The following FBXO38 variants were observed in gnomAD, a reference collection of about 807,000 sequenced individuals.
FBXO38 encodes F-box protein 38.
In FBXO38, 53 loss-of-function variants were observed where a neutral mutation model predicts 131.9. The observed-to-expected ratio is 0.40, with a 90% CI of 0.32 to 0.51. FBXO38 has a LOEUF of 0.51. FBXO38 is among the 20% of genes least tolerant of loss of function. The pLI is 0.53. For synonymous variants in FBXO38, 452 were observed against 505.6 expected, an observed-to-expected ratio of 0.89 and a Z score of 1.42; for missense variants, 1,076 against 1,475.6, an observed-to-expected ratio of 0.73 and a Z score of 4.44.
chr5:148,440,918 C>T (rs1457713084), intron 20 of FBXO38, among the ~76,000 whole-genome samples: 1 of 152,132 alleles, frequency 6.6e-6, no homozygotes, highest in Admixed American at 6.5e-5. Flanking sequence ...CTGTATGAGT[C>T]TTTACTATTT....
At chr5:148,433,117 A>C (rs1754129332) in intron 15 of FBXO38, 1 of 226,622 alleles carries the variant, frequency 4.4e-6, no homozygotes, top group Non-Finnish European at 8.7e-6. Flanking sequence ...ATAGGAGTTC[A>C]ATTCACCAAT....
At chr5:148,427,133 A>T (rs937897052) in intron 14 of FBXO38, 80 bp from the exon 15 acceptor site, 388 of 1,485,878 alleles carry the variant, frequency 2.6e-4, no homozygotes, top group Non-Finnish European at 1.6e-4. Context: ...TCCTGTTCCA[A>T]ATTTACTCTT....
At position 148,402,132 on chromosome 5, in the gene FBXO38, G is replaced by C; in HGVS notation, c.413G>C (p.Cys138Ser). Residue 138 changes from cysteine (C) to serine (S), a missense_variant, in exon 4 of 22, where the codon TGC (cysteine) becomes TCC (serine). By Grantham distance (112) the Cys-to-Ser change is moderately radical. Coordinates refer to ENST00000340253, the MANE Select transcript of FBXO38 (RefSeq NM_205836.3). ...GGAGTCCTAGAAGCTTTGCAGGCATGCCCAAACTTAGTGGTGAGTGCACCT... is the reference window on the plus strand; with the variant it reads ...GGAGTCCTAGAAGCTTTGCAGGCATCCCCAAACTTAGTGGTGAGTGCACCT... ...IPGVLEALQA[C>S]PNLVGVETSH... The C allele has an allele frequency of 6.2e-7, 1 of 1,610,906 alleles. No individual in the cohort carries two copies. The highest frequency in any genetic ancestry group is 1.1e-5 in the South Asian group (1 of 90,918).
Position 148,442,045 on chromosome 5 carries a change from A to C in FBXO38, c.3465A>C (p.Ser1155=). 6.2e-7 allele frequency: 1 copy of C among 1,614,106 alleles called. No homozygotes were observed. Among genetic ancestry groups the C allele is most frequent in the East Asian group, 2.2e-5 (1 of 44,888 alleles). ...TGGAAACAATAGGAGAGGAAATTTC[A>C]GAGATGCGTCAGATGAAGAAGGGTG... ...ICMETIGEEI[S]EMRQMKKGVF... The change falls in exon 22 of 22, where the codon TCA becomes TCC. Residue 1155 remains serine, a synonymous_variant. Transcript: ENST00000340253.
chr5:148,400,629 C>G (rs2113527287), intron 3 of FBXO38, among the ~76,000 whole-genome samples: 1 of 152,234 alleles, frequency 6.6e-6, no homozygotes, highest in South Asian at 2.1e-4. Flanking sequence ...TGGCATTTAA[C>G]TCAGATCCTT....
At chr5:148,402,567 G>A in intron 5 of FBXO38, 54 bp downstream of exon 5, 1 of 1,351,058 alleles carries the variant, frequency 7.4e-7, no homozygotes, top group Non-Finnish European at 1.0e-6. Context: ...CATAAAATGT[G>A]AATATTCACT....
chr5:148,395,144 A>G (rs1419636656), intron 2 of FBXO38, among the ~76,000 whole-genome samples: 1 of 152,184 alleles, frequency 6.6e-6, no homozygotes. Flanking sequence ...TTTGTCACAT[A>G]TAGTTCTGTT....
In FBXO38 at chr5:148,389,236, T is replaced by C. The variant is rs115882887; in HGVS notation, c.-64+5197T>C. Reference sequence around the variant, plus strand: ...TGATCATAGATCACCGTAACACATATAATAATAATGAAAGGATATGAAATA... The same window carrying C: ...TGATCATAGATCACCGTAACACATACAATAATAATGAAAGGATATGAAATA... On this transcript the variant is annotated intron_variant, in intron 1 of 21. Coordinates refer to ENST00000340253, the MANE Select transcript of FBXO38 (RefSeq NM_205836.3). 8.1e-3 allele frequency among the ~76,000 whole-genome samples: 1,240 copies of C among 152,240 alleles called. 21 individuals carry two copies. Among genetic ancestry groups the C allele is most frequent in the African/African-American group, 0.029 (1,184 of 41,536 alleles).
chr5:148,400,413 T>C (rs74608858), intron 3 of FBXO38, among the ~76,000 whole-genome samples: 2,751 of 152,236 alleles, frequency 0.018, 84 homozygotes, highest in African/African-American at 0.062. Flanking sequence ...CCATGTGATA[T>C]AGTCTTACCA....
chr5:148,405,839 C>T (rs181890456), intron 6 of FBXO38, among the ~76,000 whole-genome samples: 1 of 152,254 alleles, frequency 6.6e-6, no homozygotes, highest in East Asian at 1.9e-4. Flanking sequence ...AGTTCTAGCT[C>T]CATGTCAACT....
chr5:148,403,435 T>C (rs1161459941), intron 5 of FBXO38, among the ~76,000 whole-genome samples: 1 of 150,320 alleles, frequency 6.7e-6, no homozygotes, highest in Non-Finnish European at 1.5e-5. Context: ...TGGGGTATAC[T>C]GTCTTCTCTG....
In FBXO38 at chr5:148,424,052, G is replaced by A; in HGVS notation, c.1673G>A (p.Ser558Asn). 3.7e-6 allele frequency: 6 copies of A among 1,613,744 alleles called. No homozygotes were observed. The highest frequency in any genetic ancestry group is 5.1e-6 in the Non-Finnish European group (6 of 1,179,724). The change falls in exon 13 of 22, where the codon AGT becomes AAT. Residue 558 changes from serine (S) to asparagine (N), a missense_variant. Coordinates refer to ENST00000340253, the MANE Select transcript of FBXO38 (RefSeq NM_205836.3). ...VQEDGEVVAESGNNTPAHSQA... is the reference protein window; with the variant it reads ...VQEDGEVVAENGNNTPAHSQA... ...GAAGATGGAGAGGTGGTGGCCGAGA[G>A]TGGAAATAATACTCCAGCTCACAGC...
intron 12 of FBXO38, among the ~76,000 whole-genome samples, chr5:148,420,957 A>G (rs2113605297): frequency 6.6e-6 from 1 of 151,962 alleles, no homozygotes; most frequent in South Asian, 2.1e-4. Flanking sequence ...GCACCAAGCC[A>G]AGAATTTTAA....
chr5:148,392,978 A>G (rs1437321302), intron 1 of FBXO38, among the ~76,000 whole-genome samples: 1 of 152,094 alleles, frequency 6.6e-6, no homozygotes, highest in African/African-American at 2.4e-5. Flanking sequence ...GAGTTTATTT[A>G]TAGCTTTTCT....
intron 9 of FBXO38, 132 bp from the exon 10 acceptor site, chr5:148,414,004 C>T (rs758992741): frequency 1.7e-5 from 12 of 705,194 alleles, no homozygotes; most frequent in Non-Finnish European, 2.4e-5. Context: ...TATACCTGAA[C>T]CCAATGATAA....
chr5:148,399,820 T>C (rs1318467842), intron 3 of FBXO38, among the ~76,000 whole-genome samples: 1 of 152,138 alleles, frequency 6.6e-6, no homozygotes, highest in Non-Finnish European at 1.5e-5. Flanking sequence ...TTAGTTACTA[T>C]TGTTTTGCAA....
At chr5:148,401,395 C>T (rs1752141959) in intron 3 of FBXO38, among the ~76,000 whole-genome samples, 1 of 152,146 alleles carries the variant, frequency 6.6e-6, no homozygotes, top group African/African-American at 2.4e-5. Context: ...TAACTTGCAT[C>T]TGTCTTTTTC....
chr5:148,396,955 C>T (rs2113514042), intron 2 of FBXO38, among the ~76,000 whole-genome samples: 2 of 152,194 alleles, frequency 1.3e-5, no homozygotes, highest in Admixed American at 1.3e-4. Flanking sequence ...TTGTGCAGTT[C>T]AAACAGAATA....
rs778733611 is a variant in FBXO38 at position 148,404,717 on chromosome 5, A to G, written c.625A>G (p.Met209Val). 1.5e-5 allele frequency: 24 copies of G among 1,595,572 alleles called. No homozygotes were observed. Among genetic ancestry groups the G allele is most frequent in the Admixed American group, 8.9e-5 (5 of 56,314 alleles). ...VNVPEIPCIP[M>V]LRHLYMKWVR... ...TGTTCCTGAAATTCCTTGTATCCCA[A>G]TGCTAAGGCACCTTTATATGAAGTG... The change falls in exon 6 of 22, where the codon ATG (methionine) becomes GTG (valine). Residue 209 changes from methionine (M) to valine (V), a missense_variant. Transcript: ENST00000340253.
Sources: allele counts gnomAD v4.1 joint callset (sites outside exome capture counted in the v4.1 genomes callset), GRCh38; gene constraint gnomAD v4.1.1; transcripts MANE v1.5; gene names NCBI Gene and HGNC (gene_info 2026-07-23, HGNC 2026-07-21).